Variants in L3MBTL4 observed in about 807,000 individuals in gnomAD.
The protein encoded by L3MBTL4 is lethal(3)malignant brain tumor-like protein 4.
Under a neutral mutation model 84.5 loss-of-function variants are expected in L3MBTL4, and 70 were observed. The observed-to-expected ratio is 0.83, with a 90% CI of 0.68 to 1.01. The LOEUF (loss-of-function observed/expected upper bound fraction) is 1.01. L3MBTL4 is among the 50% of genes least tolerant of loss of function. The pLI is 0.00. For synonymous variants in L3MBTL4, 274 were observed against 259.8 expected (o/e 1.05, Z -0.52); for missense variants, 715 against 754.8 (o/e 0.95, Z 0.62).
Position 6,055,200 on chromosome 18 carries a change from A to G in L3MBTL4, c.1444+25681T>C, listed in dbSNP as rs1215682403. The stretch of plus-strand genomic sequence containing the variant: ...TCTCTTATGAATTTCCTAGATGTTC[A>G]TGATGTTTAAAGATATTTTAACCTT... On this transcript the variant is annotated intron_variant, in intron 16 of 18. Coordinates refer to ENST00000317931, the MANE Select transcript of L3MBTL4 (RefSeq NM_001330559.2). Among the ~76,000 whole-genome samples, 6 of 152,376 alleles carry G rather than the reference A, an allele frequency of 3.9e-5. No homozygotes were observed. The East Asian group carries it at 1.2e-3, about 29-fold the overall frequency.
chr18:6,008,294 C>G (rs2054580261), intron 16 of L3MBTL4, among the ~76,000 whole-genome samples: 1 of 152,130 alleles, frequency 6.6e-6, no homozygotes, highest in Non-Finnish European at 1.5e-5. Flanking sequence ...TCGGCCTTGG[C>G]TTGGTTTTTG....
chr18:6,315,066 T>TA (rs2051026466), intron 1 of L3MBTL4, among the ~76,000 whole-genome samples: 1 of 152,116 alleles, frequency 6.6e-6, no homozygotes. Context: ...CATAAATGAA[T>TA]AAGAAATGTA....
intron 17 of L3MBTL4, among the ~76,000 whole-genome samples, chr18:5,966,094 G>A (rs922304628): frequency 1.3e-5 from 2 of 152,116 alleles, no homozygotes; most frequent in African/African-American, 2.4e-5. Context: ...CTCCTTCTGA[G>A]ATCTTCTCTG....
chr18:6,194,107 CA>C (rs1024854228), intron 12 of L3MBTL4, among the ~76,000 whole-genome samples: 2 of 151,950 alleles, frequency 1.3e-5, no homozygotes, highest in Non-Finnish European at 2.9e-5. Flanking sequence ...ATTGGAAAAA[CA>C]AAATAAAAAA....
At chr18:6,293,685 G>T (rs2049968577) in intron 4 of L3MBTL4, among the ~76,000 whole-genome samples, 1 of 152,156 alleles carries the variant, frequency 6.6e-6, no homozygotes, top group Non-Finnish European at 1.5e-5. Context: ...TCATAAATGG[G>T]ACATCCCAAA....
chr18:6,248,200 A>G (rs1404203451), intron 5 of L3MBTL4, among the ~76,000 whole-genome samples: 3 of 152,180 alleles, frequency 2.0e-5, no homozygotes, highest in Non-Finnish European at 4.4e-5. Context: ...TCATTTAACA[A>G]ATCCTACAGG....
intron 13 of L3MBTL4, among the ~76,000 whole-genome samples, chr18:6,141,514 C>A (rs558597047): frequency 8.6e-4 from 131 of 152,266 alleles, no homozygotes; most frequent in Admixed American, 1.4e-3. Context: ...TCTTGTCCCC[C>A]TAGCCTTCTT....
intron 10 of L3MBTL4, among the ~76,000 whole-genome samples, chr18:6,233,205 C>T (rs2047071803): frequency 6.6e-6 from 1 of 151,472 alleles, no homozygotes; most frequent in African/African-American, 2.5e-5. Flanking sequence ...AAACCCACAG[C>T]CAATATCATA....
chr18:6,147,794 G>T lies in L3MBTL4; in HGVS notation c.1097-9498C>A, dbSNP rs536131777. Among the ~76,000 whole-genome samples, 5 of 152,274 alleles carry T rather than the reference G, an allele frequency of 3.3e-5. No homozygotes were observed. In the South Asian group the frequency reaches 8.3e-4, roughly 25 times the overall value. On this transcript the variant is annotated intron_variant, in intron 13 of 18. Coordinates refer to ENST00000317931, the MANE Select transcript of L3MBTL4 (RefSeq NM_001330559.2). ...TAAGGCAAAAATATCATGTGGTACTGGCCTTTGCTTATTATTTTGAAATGA... is the reference window on the plus strand; with the variant it reads ...TAAGGCAAAAATATCATGTGGTACTTGCCTTTGCTTATTATTTTGAAATGA...
intron 1 of L3MBTL4, among the ~76,000 whole-genome samples, chr18:6,390,419 A>G (rs924933524): frequency 2.6e-5 from 4 of 152,178 alleles, no homozygotes; most frequent in African/African-American, 7.2e-5. Flanking sequence ...ACTTCAGGGA[A>G]CTAGAGAACA....
chr18:6,329,151 C>CTTTT (rs992694853), intron 1 of L3MBTL4, among the ~76,000 whole-genome samples: 21 of 126,548 alleles, frequency 1.7e-4, no homozygotes, highest in South Asian at 5.1e-4. Flanking sequence ...TTTTTCTTTT[C>CTTTT]TTTTTTTTTT....
intron 16 of L3MBTL4, among the ~76,000 whole-genome samples, chr18:5,983,590 C>G (rs1465907505): frequency 1.2e-4 from 18 of 152,284 alleles, no homozygotes; most frequent in Non-Finnish European, 1.2e-4. Context: ...TCACCACACT[C>G]TCAAGATCCT....
intron 12 of L3MBTL4, among the ~76,000 whole-genome samples, chr18:6,193,102 A>C (rs183167215): frequency 6.6e-6 from 1 of 152,188 alleles, no homozygotes. Flanking sequence ...AAAAAGGGTT[A>C]CATTATTGTT....
In L3MBTL4 at chr18:5,970,184, G is replaced by C. The variant is rs538718079; in HGVS notation, c.1445-622C>G. Among the ~76,000 whole-genome samples the C allele has an allele frequency of 2.0e-5, 3 of 152,186 alleles. No individual in the cohort carries two copies. The East Asian group carries it at 5.8e-4, about 29-fold the overall frequency. ...TGGGGTGACATCCTGTGGCAGCCAG[G>C]GACTTTGGAAAGCAGCGGAAGCTGA... On this transcript the variant is annotated intron_variant, in intron 16 of 18. Coordinates refer to ENST00000317931, the MANE Select transcript of L3MBTL4 (RefSeq NM_001330559.2).
chr18:6,215,749 C>A lies in L3MBTL4; in HGVS notation c.870+1G>T. 6.3e-7 allele frequency: 1 copy of A among 1,590,608 alleles called. No homozygotes were observed. The highest frequency in any genetic ancestry group is 8.6e-7 in the Non-Finnish European group (1 of 1,165,678). On this transcript the variant is annotated splice_donor_variant, in intron 11 of 18. Coordinates refer to ENST00000317931, the MANE Select transcript of L3MBTL4 (RefSeq NM_001330559.2). LOFTEE classifies it high-confidence loss of function. ...AGAGTTTGTACCCACATAGAACTTA[C>A]CATTTTAAAAACTTTGGCAGGAACT...
chr18:5,987,117 C>T (rs957607134), intron 16 of L3MBTL4, among the ~76,000 whole-genome samples: 6 of 152,176 alleles, frequency 3.9e-5, no homozygotes, highest in Non-Finnish European at 5.9e-5. Context: ...AAGCCTACAG[C>T]GACCTCAAGG....
intron 16 of L3MBTL4, among the ~76,000 whole-genome samples, chr18:5,974,997 A>C (rs1196612188): frequency 2.6e-5 from 4 of 152,028 alleles, no homozygotes; most frequent in African/African-American, 9.7e-5. Context: ...AAGAGGAAGA[A>C]TATTTTTTAG....
At chr18:6,343,510 A>C (rs1306143402) in intron 1 of L3MBTL4, among the ~76,000 whole-genome samples, 1 of 151,948 alleles carries the variant, frequency 6.6e-6, no homozygotes, top group Non-Finnish European at 1.5e-5. Flanking sequence ...AAAAATACAA[A>C]AAAAATTAGC....
At chr18:6,158,252 AT>A (rs1402133464) in intron 13 of L3MBTL4, among the ~76,000 whole-genome samples, 1 of 152,358 alleles carries the variant, frequency 6.6e-6, no homozygotes, top group Non-Finnish European at 1.5e-5. Context: ...TACATATTGT[AT>A]TTTGCACTGC....
Sources: gnomAD v4.1 joint callset for allele counts (sites outside exome capture counted in the v4.1 genomes callset) on GRCh38, gnomAD v4.1.1 for gene constraint, MANE v1.5 for transcripts, NCBI Gene and HGNC (gene_info 2026-07-23, HGNC 2026-07-21) for gene names.